Variants in CACNG3 observed in about 807,000 individuals in gnomAD.
The protein encoded by CACNG3 is voltage-dependent calcium channel gamma-3 subunit.
A neutral mutation model predicts 28.5 loss-of-function variants in CACNG3; 3 were observed. That is an observed-to-expected ratio of 0.11 (90% CI 0.05 to 0.27). The LOEUF (loss-of-function observed/expected upper bound fraction) is 0.27. Ranked by LOEUF, CACNG3 falls within the 10% of genes least tolerant of loss-of-function variation. CACNG3 has a pLI of 1.00. For missense variants in CACNG3, 236 were observed against 414.4 expected (o/e 0.57, Z 3.74); for synonymous variants, 174 against 162.2 (o/e 1.07, Z -0.55).
At chr16:24,298,930 C>T (rs890339695) in intron 1 of CACNG3, among the ~76,000 whole-genome samples, 4 of 152,190 alleles carry the variant, frequency 2.6e-5, no homozygotes, top group Admixed American at 2.6e-4. Context: ...GGTAAAATGT[C>T]CTTCTCAACA....
intron 3 of CACNG3, among the ~76,000 whole-genome samples, chr16:24,356,343 C>A (rs1232182390): frequency 6.6e-6 from 1 of 152,098 alleles, no homozygotes; most frequent in Non-Finnish European, 1.5e-5. Context: ...ACCAATCAGG[C>A]CTTGGGAAAT....
intron 1 of CACNG3, among the ~76,000 whole-genome samples, chr16:24,279,429 G>C (rs1210325428): frequency 6.6e-6 from 1 of 151,898 alleles, no homozygotes. Flanking sequence ...GAGTAGCTGG[G>C]ACTACAGAGG....
chr16:24,258,341 C>T (rs985322316), intron 1 of CACNG3, among the ~76,000 whole-genome samples: 1 of 152,136 alleles, frequency 6.6e-6, no homozygotes, highest in African/African-American at 2.4e-5. Context: ...TGGTGGGAAG[C>T]CCAGGTAGGA....
chr16:24,305,915 C>A (rs1480443517), intron 1 of CACNG3, among the ~76,000 whole-genome samples: 1 of 152,164 alleles, frequency 6.6e-6, no homozygotes, highest in Non-Finnish European at 1.5e-5. Flanking sequence ...TTAAGCAATT[C>A]TCTGCCCTGT....
At chr16:24,350,793 G>A (rs1203035233) in intron 2 of CACNG3, among the ~76,000 whole-genome samples, 1 of 152,124 alleles carries the variant, frequency 6.6e-6, no homozygotes. Flanking sequence ...CCCTTTAAAG[G>A]TTAGTCCACA....
intron 1 of CACNG3, among the ~76,000 whole-genome samples, chr16:24,320,413 T>A (rs1391725995): frequency 6.6e-6 from 1 of 152,214 alleles, no homozygotes; most frequent in Non-Finnish European, 1.5e-5. Context: ...CAGATTTTGC[T>A]CCCAAATAAG....
intron 1 of CACNG3, among the ~76,000 whole-genome samples, chr16:24,331,912 A>G (rs1899635633): frequency 6.6e-6 from 1 of 151,942 alleles, no homozygotes; most frequent in Non-Finnish European, 1.5e-5. Flanking sequence ...CTTTCTGTCC[A>G]CCCAATCTCA....
At chr16:24,288,032 A>G (rs1898916774) in intron 1 of CACNG3, among the ~76,000 whole-genome samples, 1 of 152,230 alleles carries the variant, frequency 6.6e-6, no homozygotes, top group Non-Finnish European at 1.5e-5. Flanking sequence ...ACATGTATTG[A>G]GGGCCTACTT....
chr16:24,361,053 T>A lies in CACNG3; in HGVS notation c.437-299T>A, dbSNP rs1026534695. On this transcript the variant is annotated intron_variant, in intron 3 of 3. Coordinates refer to ENST00000005284, the MANE Select transcript of CACNG3 (RefSeq NM_006539.4). This position sits in a 1 kb window ranked among gnomAD's most constrained non-coding sequence, Gnocchi z 6.8. ...ATGACTTAGTGCCAAAGATTAAGTG[T>A]TGATGAGATGAATTGCTTCTAAGGG... 3.9e-5 allele frequency among the ~76,000 whole-genome samples: 6 copies of A among 152,230 alleles called. No homozygotes were observed. Among genetic ancestry groups the A allele is most frequent in the Admixed American group, 3.9e-4 (6 of 15,274 alleles).
At chr16:24,316,727 C>T (rs957518330) in intron 1 of CACNG3, among the ~76,000 whole-genome samples, 4 of 152,236 alleles carry the variant, frequency 2.6e-5, no homozygotes, top group Non-Finnish European at 5.9e-5. Context: ...CTTCCCCACC[C>T]TTGGCTCCTG....
intron 1 of CACNG3, among the ~76,000 whole-genome samples, chr16:24,275,729 G>C (rs755696189): frequency 1.2e-4 from 18 of 152,178 alleles, no homozygotes; most frequent in Non-Finnish European, 2.4e-4. Flanking sequence ...TGATAATTAT[G>C]ATTTTGGAAA....
At chr16:24,340,024 C>G (rs1020142785) in intron 1 of CACNG3, among the ~76,000 whole-genome samples, 9 of 152,114 alleles carry the variant, frequency 5.9e-5, no homozygotes, top group African/African-American at 2.2e-4. Context: ...AATCCCAGCA[C>G]TTTTGCAGGC....
At chr16:24,294,209 T>C (rs991302371) in intron 1 of CACNG3, among the ~76,000 whole-genome samples, 1 of 152,200 alleles carries the variant, frequency 6.6e-6, no homozygotes, top group Non-Finnish European at 1.5e-5. Context: ...TTAGAGAGGA[T>C]GCTGGAAGAA....
At chr16:24,284,689 C>T (rs1311123536) in intron 1 of CACNG3, among the ~76,000 whole-genome samples, 1 of 151,930 alleles carries the variant, frequency 6.6e-6, no homozygotes, top group Non-Finnish European at 1.5e-5. Context: ...AACCAAATGC[C>T]ATTATGAGCA....
At chr16:24,358,596 G>A (rs1338088080) in intron 3 of CACNG3, among the ~76,000 whole-genome samples, 1 of 152,148 alleles carries the variant, frequency 6.6e-6, no homozygotes, top group Non-Finnish European at 1.5e-5. Flanking sequence ...TGGGAGTTAC[G>A]GCCATAGCAA....
At chr16:24,314,331 C>T (rs948440191) in intron 1 of CACNG3, among the ~76,000 whole-genome samples, 1 of 152,096 alleles carries the variant, frequency 6.6e-6, no homozygotes, top group Non-Finnish European at 1.5e-5. Context: ...TGTGGGACCT[C>T]GCATAACTAG....
At chr16:24,317,592 A>C (rs1173273421) in intron 1 of CACNG3, among the ~76,000 whole-genome samples, 3 of 69,608 alleles carry the variant, frequency 4.3e-5, no homozygotes, top group African/African-American at 2.0e-4. Flanking sequence ...GAAAGAAAGA[A>C]AGAAAGAAAG....
chr16:24,266,447 G>A (rs1898609549), intron 1 of CACNG3, among the ~76,000 whole-genome samples: 2 of 152,174 alleles, frequency 1.3e-5, no homozygotes, highest in African/African-American at 4.8e-5. Flanking sequence ...GCTTAGAAGT[G>A]AAACTGAGGG....
In CACNG3 at chr16:24,349,473, G is replaced by A. The variant is rs144962632; in HGVS notation, c.295+2656G>A. ...GTATTATAGTTACTTCTTGATTAAT[G>A]GTAAACAGGAGGCGAATTATTCATA... On this transcript the variant is annotated intron_variant, in intron 2 of 3. Transcript: ENST00000005284. 2.7e-3 allele frequency among the ~76,000 whole-genome samples: 415 copies of A among 152,294 alleles called. 2 individuals are homozygous for A. The highest frequency in any genetic ancestry group is 4.8e-3 in the Non-Finnish European group (328 of 68,024).
Sources: gnomAD v4.1 joint callset for allele counts (sites outside exome capture counted in the v4.1 genomes callset) on GRCh38, gnomAD v4.1.1 for gene constraint, Gnocchi (gnomAD v3.1) non-coding constraint, MANE v1.5 for transcripts, NCBI Gene and HGNC (gene_info 2026-07-23, HGNC 2026-07-21) for gene names.